Variants in UBE4B observed in about 807,000 individuals in gnomAD.
UBE4B encodes the protein ubiquitination factor E4B.
UBE4B carries 27 observed loss-of-function variants against 148.1 expected under a neutral mutation model. The observed-to-expected ratio is 0.18, with a 90% CI of 0.13 to 0.25. The LOEUF is 0.25. Ranked by LOEUF, UBE4B falls within the 10% of genes least tolerant of loss-of-function variation. UBE4B has a pLI of 1.00. For missense variants in UBE4B, 1,170 were observed against 1,662.4 expected, an observed-to-expected ratio of 0.70 and a Z score of 5.15; for synonymous variants, 596 against 619.3, an observed-to-expected ratio of 0.96 and a Z score of 0.56.
chr1:10,165,567 G>A (rs1323167494), intron 23 of UBE4B, among the ~76,000 whole-genome samples: 2 of 152,094 alleles, frequency 1.3e-5, no homozygotes, highest in African/African-American at 4.8e-5. Context: ...CACGCAGGAG[G>A]ACCTGGCCCC....
chr1:10,072,585 C>A (rs1194017839), intron 2 of UBE4B: 3 of 681,416 alleles, frequency 4.4e-6, no homozygotes, highest in Non-Finnish European at 8.0e-6. Context: ...AAAATGAACA[C>A]CTCTAATTGC....
At chr1:10,087,014 A>C (rs565915608) in intron 2 of UBE4B, among the ~76,000 whole-genome samples, 8 of 152,196 alleles carry the variant, frequency 5.3e-5, no homozygotes, top group Admixed American at 2.0e-4. Context: ...AAAAGTGGAC[A>C]AGACCAGAGC....
At chr1:10,095,382 G>A (rs951049057) in intron 2 of UBE4B, 79 bp from the exon 3 acceptor site, 3 of 1,556,948 alleles carry the variant, frequency 1.9e-6, no homozygotes, top group African/African-American at 2.7e-5. Flanking sequence ...TGCAGATTGT[G>A]CGTGTTTACT....
intron 1 of UBE4B, among the ~76,000 whole-genome samples, chr1:10,042,603 C>T (rs1643814438): frequency 6.6e-6 from 1 of 152,170 alleles, no homozygotes; most frequent in Non-Finnish European, 1.5e-5. Flanking sequence ...GCTGAGATTG[C>T]ACCACTGCAC....
intron 21 of UBE4B, among the ~76,000 whole-genome samples, chr1:10,157,483 AAAT>A (rs1330006691): frequency 1.3e-5 from 2 of 152,092 alleles, no homozygotes; most frequent in African/African-American, 4.8e-5. Flanking sequence ...GTCTCCAAAA[AAAT>A]AATAATAAAA....
intron 1 of UBE4B, among the ~76,000 whole-genome samples, chr1:10,040,274 TA>T (rs1260901828): frequency 2.0e-5 from 3 of 151,692 alleles, no homozygotes; most frequent in African/African-American, 7.3e-5. Flanking sequence ...CATGCCCAGC[TA>T]ATTTTTTAAT....
chr1:10,140,452 G>A (rs1645765773), intron 17 of UBE4B, among the ~76,000 whole-genome samples: 2 of 152,202 alleles, frequency 1.3e-5, no homozygotes, highest in African/African-American at 2.4e-5. Context: ...TTTAGGTCAA[G>A]TTTGTTAATT....
Position 10,119,617 on chromosome 1 carries a change from T to G in UBE4B, c.1439+4T>G. On this transcript the variant is annotated splice_donor_region_variant and intron_variant, in intron 9 of 27. Transcript: ENST00000343090. ...AAGGCTCCCTAACACAGCCCAGGTA[T>G]GAAGACCCGTGACGTGCTTGACATT... 1 of 1,611,564 alleles carries G rather than the reference T, an allele frequency of 6.2e-7. No homozygotes were observed. The highest frequency in any genetic ancestry group is 8.5e-7 in the Non-Finnish European group (1 of 1,178,270).
rs778096765 is a variant in UBE4B at position 10,161,150 on chromosome 1, A to G, written c.3062A>G (p.Lys1021Arg). ...TATAATTGCCTTTCCAGCTCCGGGA[A>G]GCAGTTTGTTCGCTATATAAACATG... ...GTFMEEFNSG[K>R]QFVRYINMLI... Residue 1021 changes from lysine (K) to arginine (R), a missense_variant, in exon 23 of 28, where the codon AAG (lysine) becomes AGG (arginine). Around this residue, in one of 6 missense-constraint regions of UBE4B, gnomAD observed 348 missense variants for 627.2 expected, o/e 0.55. Coordinates refer to ENST00000343090, the MANE Select transcript of UBE4B (RefSeq NM_001105562.3). The surrounding 1 kb of genome is among the most constrained non-coding windows in gnomAD (Gnocchi z 4.1). 1.9e-6 allele frequency: 3 copies of G among 1,614,082 alleles called. No homozygotes were observed. The highest frequency in any genetic ancestry group is 1.1e-5 in the South Asian group (1 of 91,070).
chr1:10,038,767 C>G (rs753947332), intron 1 of UBE4B, among the ~76,000 whole-genome samples: 1 of 152,134 alleles, frequency 6.6e-6, no homozygotes, highest in Non-Finnish European at 1.5e-5. Context: ...TCCTCCCACT[C>G]CCAATTTTTT....
At position 10,168,343 on chromosome 1, in the gene UBE4B, A is replaced by G. The variant is rs1431266113; in HGVS notation, c.3333+73A>G. On this transcript the variant is annotated intron_variant, in intron 24 of 27. Coordinates refer to ENST00000343090, the MANE Select transcript of UBE4B (RefSeq NM_001105562.3). This position sits in a 1 kb window ranked among gnomAD's most constrained non-coding sequence, Gnocchi z 4.9. ...AGACTCTCTCACTTATAACTTTAGC[A>G]GTTGTTGAAGTTCTGGAAATTTTAG... The G allele has an allele frequency of 1.3e-6, 2 of 1,529,884 alleles. No individual in the cohort carries two copies. Among genetic ancestry groups the G allele is most frequent in the East Asian group, 2.4e-5 (1 of 41,914 alleles). 94.8% of individuals were successfully genotyped at this position (1,529,884 alleles called of 1,614,324 possible).
At position 10,150,890 on chromosome 1, in the gene UBE4B, A is replaced by G. The variant is rs574648863; in HGVS notation, c.2691-436A>G. Among the ~76,000 whole-genome samples the G allele has an allele frequency of 5.4e-5, 8 of 147,724 alleles. No homozygotes were observed. The East Asian group carries it at 9.9e-4, about 18-fold the overall frequency. ...AAAAAAAAAAAAATAGGCTGGGCGC[A>G]GTGGCTCATGCCTGTAATCCCACCA... is the stretch of plus-strand genomic sequence containing the variant. On this transcript the variant is annotated intron_variant, in intron 20 of 27. Transcript: ENST00000343090.
chr1:10,178,842 G>A (rs766232472), intron 26 of UBE4B, 24 bp downstream of exon 26: 32 of 1,561,768 alleles, frequency 2.0e-5, no homozygotes, highest in Non-Finnish European at 2.8e-5. Context: ...TCGTTTTCAT[G>A]CTGATTTCTT....
intron 12 of UBE4B, among the ~76,000 whole-genome samples, chr1:10,130,246 T>C (rs1475316490): frequency 6.6e-6 from 1 of 152,108 alleles, no homozygotes; most frequent in Non-Finnish European, 1.5e-5. Context: ...GGCTAATTTT[T>C]GTATTTTTAG....
intron 20 of UBE4B, among the ~76,000 whole-genome samples, 154 bp downstream of exon 20, chr1:10,149,436 A>G (rs1043199460): frequency 1.3e-5 from 2 of 152,196 alleles, no homozygotes; most frequent in South Asian, 2.1e-4. Context: ...AATAAATCCA[A>G]CTGTGGCATC....
intron 7 of UBE4B, among the ~76,000 whole-genome samples, chr1:10,110,209 CT>C (rs1346576936): frequency 6.6e-6 from 1 of 152,106 alleles, no homozygotes; most frequent in Non-Finnish European, 1.5e-5. Flanking sequence ...TCTTATAAAT[CT>C]TTTTGGAAGT....
chr1:10,096,814 G>A (rs1644935348), intron 3 of UBE4B, among the ~76,000 whole-genome samples: 1 of 152,148 alleles, frequency 6.6e-6, no homozygotes, highest in Non-Finnish European at 1.5e-5. Context: ...ACAGAGACAT[G>A]GATCACTTGA....
In UBE4B at chr1:10,044,123, C is replaced by G. The variant is rs557921515; in HGVS notation, c.24+10429C>G. 3.3e-5 allele frequency among the ~76,000 whole-genome samples: 5 copies of G among 152,190 alleles called. No homozygotes were observed. The East Asian group carries it at 5.8e-4, about 18-fold the overall frequency. On this transcript the variant is annotated intron_variant, in intron 1 of 27. Coordinates refer to ENST00000343090, the MANE Select transcript of UBE4B (RefSeq NM_001105562.3). ...GCAGGATCTCAGCTCACTGCAACCT[C>G]CACCTGCCAGGTGCCAGGTTCAAGC...
At chr1:10,121,577 A>G (rs145639901) in intron 9 of UBE4B, among the ~76,000 whole-genome samples, 20 of 152,046 alleles carry the variant, frequency 1.3e-4, no homozygotes, top group African/African-American at 4.8e-4. Context: ...CATCTTTTGT[A>G]GAGACAGAGT....
Sources: allele counts gnomAD v4.1 joint callset (sites outside exome capture counted in the v4.1 genomes callset), GRCh38; gene constraint gnomAD v4.1.1; regional missense constraint gnomAD v4.1.1; non-coding constraint Gnocchi (gnomAD v3.1); transcripts MANE v1.5; gene names NCBI Gene and HGNC (gene_info 2026-07-23, HGNC 2026-07-21).